The following NCK1 variants were observed in gnomAD, a reference collection of about 807,000 sequenced individuals.
NCK1 encodes the protein NCK adaptor protein 1.
A neutral mutation model predicts 36.6 loss-of-function variants in NCK1; 19 were observed. That is an observed-to-expected ratio of 0.52 (90% CI 0.36 to 0.76). The LOEUF (loss-of-function observed/expected upper bound fraction) is 0.76, where lower values mean the gene tolerates loss of function less well. Among genes scored for constraint, NCK1 ranks in the 30% least tolerant of loss-of-function variants. The pLI, the probability that NCK1 is intolerant of heterozygous loss-of-function variation, is 0.00. For missense variants in NCK1, 358 were observed against 445.6 expected, an observed-to-expected ratio of 0.80 and a Z score of 1.77; for synonymous variants, 165 against 156.0, an observed-to-expected ratio of 1.06 and a Z score of -0.43.
chr3:136,862,621 T>C (rs1938261200), intron 1 of NCK1, among the ~76,000 whole-genome samples: 2 of 152,212 alleles, frequency 1.3e-5, no homozygotes, highest in African/African-American at 4.8e-5. Context: ...TGGAGCGCTG[T>C]GTCGGGCTGA....
rs1242760199 is a variant in NCK1 at position 136,948,889 on chromosome 3, T to G, written c.*436T>G. ...ACATATGCTAAAATTTCTTGGAGAG[T>G]GTTAATCTTTTCTGTGACTAAATAG... is the stretch of plus-strand genomic sequence containing the variant. On this transcript the variant is annotated 3_prime_UTR_variant, in exon 4 of 4. Coordinates refer to ENST00000481752, the MANE Select transcript of NCK1 (RefSeq NM_001291999.2). The G allele has an allele frequency of 3.9e-5, 6 of 152,340 alleles. No individual in the cohort carries two copies. The highest frequency in any genetic ancestry group is 1.5e-5 in the Non-Finnish European group (1 of 67,874). The allele number at this position is 152,340 out of a possible 1,614,324, so 9.4% of individuals were successfully genotyped here.
In NCK1 at chr3:136,871,882, T is replaced by C. The variant is rs111356566; in HGVS notation, c.-19+9529T>C. On this transcript the variant is annotated intron_variant, in intron 1 of 3. Transcript: ENST00000481752. Reference sequence around the variant, plus strand: ...AACTCTCTTCTCTTATCTGCCGCCATGTGAGAAGACATGCCTTTAACCTTG... The same window carrying C: ...AACTCTCTTCTCTTATCTGCCGCCACGTGAGAAGACATGCCTTTAACCTTG... 9.9e-3 allele frequency among the ~76,000 whole-genome samples: 1,505 copies of C among 152,300 alleles called. 15 individuals carry two copies. The highest frequency in any genetic ancestry group is 0.015 in the Non-Finnish European group (1,015 of 68,028).
At chr3:136,930,520 C>T (rs1280416923) in intron 2 of NCK1, 1 of 1,416,442 alleles carries the variant, frequency 7.1e-7, no homozygotes, top group Non-Finnish European at 9.2e-7. Context: ...TTATCCTGAG[C>T]TGTGTTAACA....
intron 2 of NCK1, among the ~76,000 whole-genome samples, chr3:136,944,893 CAT>C (rs993610815): frequency 6.6e-6 from 1 of 152,188 alleles, no homozygotes; most frequent in Non-Finnish European, 1.5e-5. Context: ...TCTTTCAACA[CAT>C]ATGTGTTAAG....
chr3:136,900,103 A>C, intron 1 of NCK1: 1 of 420,962 alleles, frequency 2.4e-6, no homozygotes. Context: ...TGATATTTAC[A>C]CTTCCCAAGT....
At chr3:136,879,989 T>TAAAAAAAAAAAAAAAAAAAA (rs891612999) in intron 1 of NCK1, among the ~76,000 whole-genome samples, 1 of 119,502 alleles carries the variant, frequency 8.4e-6, no homozygotes. Flanking sequence ...TAAAGAATAT[T>TAAAAAAAAAAAAAAAAAAAA]AAAAAAAAAA....
At chr3:136,895,221 T>C (rs923996550) in intron 1 of NCK1, among the ~76,000 whole-genome samples, 5 of 152,178 alleles carry the variant, frequency 3.3e-5, no homozygotes, top group African/African-American at 1.2e-4. Context: ...GTTTTCACTT[T>C]AACGTAGTCA....
chr3:136,901,730 C>T (rs543315298), intron 1 of NCK1, among the ~76,000 whole-genome samples: 83 of 152,152 alleles, frequency 5.5e-4, no homozygotes, highest in African/African-American at 1.8e-3. Flanking sequence ...GTTGTAATGT[C>T]TCTTTTCATT....
chr3:136,884,704 C>G (rs1357919858), intron 1 of NCK1, among the ~76,000 whole-genome samples: 4 of 147,040 alleles, frequency 2.7e-5, no homozygotes, highest in Non-Finnish European at 6.0e-5. Flanking sequence ...CAGGCTTGAG[C>G]CACCATGCCT....
intron 1 of NCK1, among the ~76,000 whole-genome samples, chr3:136,917,315 G>T (rs1264041048): frequency 6.7e-6 from 1 of 150,212 alleles, no homozygotes; most frequent in African/African-American, 2.5e-5. Flanking sequence ...GTATGATCCA[G>T]GGAAACCAAA....
At position 136,945,922 on chromosome 3, in the gene NCK1, G is replaced by T; in HGVS notation, c.566G>T (p.Gly189Val). Residue 189 changes from glycine to valine, a missense_variant, in exon 3 of 4, where the codon GGG (glycine) becomes GTG (valine). Coordinates refer to ENST00000481752, the MANE Select transcript of NCK1 (RefSeq NM_001291999.2). Reference protein sequence around the residue: ...LAAVVNNLNTGQVLHVVQALY... With the variant: ...LAAVVNNLNTVQVLHVVQALY... The stretch of plus-strand genomic sequence containing the variant: ...GCAGTCGTCAATAACCTAAATACTG[G>T]GCAAGTGTTGCATGTGGTACAGGCT... 1 of 1,613,944 alleles carries T rather than the reference G, an allele frequency of 6.2e-7. No homozygotes were observed. The highest frequency in any genetic ancestry group is 1.1e-5 in the South Asian group (1 of 91,070).
intron 1 of NCK1, among the ~76,000 whole-genome samples, chr3:136,921,941 G>A (rs1371605681): frequency 1.3e-5 from 2 of 152,058 alleles, no homozygotes; most frequent in African/African-American, 4.8e-5. Context: ...GCACCACCAC[G>A]CCCAGCTAAT....
intron 1 of NCK1, among the ~76,000 whole-genome samples, chr3:136,927,679 G>A (rs1420788344): frequency 6.6e-6 from 1 of 151,848 alleles, no homozygotes; most frequent in Non-Finnish European, 1.5e-5. Context: ...GCACCATCAC[G>A]CCCAGCTAAT....
intron 1 of NCK1, among the ~76,000 whole-genome samples, chr3:136,920,772 C>T (rs1017343549): frequency 1.3e-5 from 2 of 152,060 alleles, no homozygotes; most frequent in African/African-American, 4.8e-5. Context: ...ATTATGAAAA[C>T]GTGTAACATA....
At position 136,880,767 on chromosome 3, in the gene NCK1, C is replaced by T. The variant is rs144656865; in HGVS notation, c.-19+18414C>T. The stretch of plus-strand genomic sequence containing the variant: ...CCACCTAGGTGTGTGTGCCACCATA[C>T]TAGCTAATTTTTTGACCCTTTGTGG... On this transcript the variant is annotated intron_variant, in intron 1 of 3. Coordinates refer to ENST00000481752, the MANE Select transcript of NCK1 (RefSeq NM_001291999.2). Among the ~76,000 whole-genome samples the T allele has an allele frequency of 1.3e-3, 197 of 152,248 alleles. 1 individual carries two copies. Among genetic ancestry groups the T allele is most frequent in the African/African-American group, 4.4e-3 (182 of 41,552 alleles).
intron 1 of NCK1, among the ~76,000 whole-genome samples, chr3:136,927,228 T>C (rs1940266102): frequency 6.6e-6 from 1 of 152,338 alleles, no homozygotes; most frequent in East Asian, 1.9e-4. Flanking sequence ...AGCCTCGGCC[T>C]CCCGAAGTGC....
chr3:136,896,176 TAC>T (rs1424643736), intron 1 of NCK1, among the ~76,000 whole-genome samples: 1 of 152,212 alleles, frequency 6.6e-6, no homozygotes, highest in African/African-American at 2.4e-5. Flanking sequence ...TACTTTGAAA[TAC>T]ACAGTTTTGC....
chr3:136,867,954 T>C (rs1327461616), intron 1 of NCK1, among the ~76,000 whole-genome samples: 2 of 152,056 alleles, frequency 1.3e-5, no homozygotes, highest in African/African-American at 2.4e-5. Context: ...TTTCGCAGTT[T>C]TTGCCCTGGC....
At chr3:136,888,245 C>T (rs1939126867) in intron 1 of NCK1, among the ~76,000 whole-genome samples, 1 of 151,898 alleles carries the variant, frequency 6.6e-6, no homozygotes, top group Non-Finnish European at 1.5e-5. Context: ...GCCTGGCCCT[C>T]CTTGCTTTAT....
Sources: allele counts gnomAD v4.1 joint callset (sites outside exome capture counted in the v4.1 genomes callset), GRCh38; gene constraint gnomAD v4.1.1; transcripts MANE v1.5; gene names NCBI Gene and HGNC (gene_info 2026-07-23, HGNC 2026-07-21).